The following PLXNA1 variants were observed in gnomAD, a reference collection of about 807,000 sequenced individuals.
PLXNA1 encodes the protein plexin-A1.
In PLXNA1, 77 loss-of-function variants were observed where a neutral mutation model predicts 191.7. The observed-to-expected ratio is 0.40, with a 90% CI of 0.33 to 0.49. The LOEUF (loss-of-function observed/expected upper bound fraction) is 0.49. Among genes scored for constraint, PLXNA1 ranks in the 20% least tolerant of loss-of-function variants. The pLI is 0.63. For synonymous variants in PLXNA1, 1,137 were observed against 1,156.4 expected, an observed-to-expected ratio of 0.98 and a Z score of 0.34; for missense variants, 2,110 against 2,660.2, an observed-to-expected ratio of 0.79 and a Z score of 4.55.
At position 127,029,097 on chromosome 3, in the gene PLXNA1, G is replaced by C; in HGVS notation, c.4773+1G>C. On this transcript the variant is annotated splice_donor_variant, in intron 26 of 31. Transcript: ENST00000393409. LOFTEE classifies it high-confidence loss of function. Reference sequence around the variant, plus strand: ...GCTGAACACACTGGCTCACTACCAGGTGGCTCCCGGCCCTCCGACCCTAGC... The same window carrying C: ...GCTGAACACACTGGCTCACTACCAGCTGGCTCCCGGCCCTCCGACCCTAGC... 6.2e-7 allele frequency: 1 copy of C among 1,612,808 alleles called. No individual in the cohort carries two copies. The highest frequency in any genetic ancestry group is 8.5e-7 in the Non-Finnish European group (1 of 1,179,144).
intron 29 of PLXNA1, 105 bp downstream of exon 29, chr3:127,030,517 G>A: frequency 7.2e-7 from 1 of 1,396,748 alleles, no homozygotes; most frequent in South Asian, 1.3e-5. Context: ...GGGGCTCCCT[G>A]GCGTGGGGAC....
intron 22 of PLXNA1, 23 bp downstream of exon 22, chr3:127,022,364 TTGGG>T (rs762578492): frequency 1.3e-6 from 2 of 1,599,438 alleles, no homozygotes; most frequent in Non-Finnish European, 1.7e-6. Flanking sequence ...GGCACTGGGG[TTGGG>T]GGAGGCAGGC....
At position 126,989,842 on chromosome 3, in the gene PLXNA1, C is replaced by T. The variant is rs774390222; in HGVS notation, c.1194+55C>T. ...GCGGCCCCATCCCCTCCAGGGACGA[C>T]GGCATCGGTGTCAGATGCACGCCCA... is the stretch of plus-strand genomic sequence containing the variant. On this transcript the variant is annotated intron_variant, in intron 2 of 31. Coordinates refer to ENST00000393409, the MANE Select transcript of PLXNA1 (RefSeq NM_032242.4). 205 of 1,443,200 alleles carry T rather than the reference C, an allele frequency of 1.4e-4. 1 individual carries two copies. Among genetic ancestry groups the T allele is most frequent in the South Asian group, 4.5e-4 (35 of 77,812 alleles). 89.4% of individuals were successfully genotyped at this position (1,443,200 alleles called of 1,614,324 possible). A position where few individuals can be genotyped will look rare whatever the true frequency, so the allele number is the denominator to read the frequency against.
chr3:127,013,321 G>A (rs1338333871), intron 10 of PLXNA1, among the ~76,000 whole-genome samples: 3 of 152,194 alleles, frequency 2.0e-5, no homozygotes, highest in East Asian at 1.9e-4. Flanking sequence ...GGAAGCGGGA[G>A]TATCGGGGAA....
At chr3:127,013,222 G>A (rs561949122) in intron 10 of PLXNA1, among the ~76,000 whole-genome samples, 2 of 152,096 alleles carry the variant, frequency 1.3e-5, no homozygotes, top group Admixed American at 1.3e-4. Flanking sequence ...CCAACTCTTC[G>A]CCTGCCCTGC....
chr3:126,994,011 T>G (rs2107622371), intron 3 of PLXNA1, among the ~76,000 whole-genome samples: 1 of 152,252 alleles, frequency 6.6e-6, no homozygotes, highest in Admixed American at 6.5e-5. Context: ...AGCCTTGGTG[T>G]CTCCTCGTAC....
intron 23 of PLXNA1, chr3:127,027,591 C>A (rs2079182407): frequency 2.2e-6 from 1 of 453,086 alleles, no homozygotes; most frequent in South Asian, 1.7e-5. Context: ...AGGCGGGGAT[C>A]CTGCTGAGAC....
intron 7 of PLXNA1, 104 bp from the exon 8 acceptor site, chr3:127,005,975 G>A (rs1393830720): frequency 1.2e-6 from 1 of 824,142 alleles, no homozygotes. Context: ...ACTGATGGTG[G>A]CAGCTAGGAG....
rs2078990287 is a variant in PLXNA1, at chr3:126,991,506, C to T, written c.1317C>T (p.Ala439=). The T allele has an allele frequency of 6.2e-7, 1 of 1,612,314 alleles. No homozygotes were observed. The highest frequency in any genetic ancestry group is 1.7e-5 in the Admixed American group (1 of 59,970). The change falls in exon 3 of 32, where the codon GCC becomes GCT. Residue 439 remains alanine (A), a synonymous_variant. Transcript: ENST00000393409. ...ATGATGGCCTGACCGCCGTGGCTGC[C>T]TATGACTATCGGGGCCGCACTGTGG... The part of the protein sequence containing the change: ...DKDDGLTAVA[A]YDYRGRTVVF...
At chr3:127,013,427 G>A (rs879728062) in intron 10 of PLXNA1, among the ~76,000 whole-genome samples, 3 of 152,222 alleles carry the variant, frequency 2.0e-5, no homozygotes, top group Admixed American at 6.5e-5. Context: ...GTCCCAGCAC[G>A]GGAACAGAGT....
chr3:127,015,311 CCTT>C lies in PLXNA1; in HGVS notation c.3008_3010del (p.Phe1003del), dbSNP rs1559961703. On this transcript the variant is annotated inframe_deletion, in exon 15 of 32. Transcript: ENST00000393409. ...GTGTCGGTCGGTGGCCGGCCCTGCT[CCTT>C]CTCCTGGTACGGGGTGCAGGTGGGG... The C allele has an allele frequency of 2.5e-6, 4 of 1,606,092 alleles. No homozygotes were observed. Among genetic ancestry groups the C allele is most frequent in the Non-Finnish European group, 3.4e-6 (4 of 1,178,212 alleles).
In PLXNA1 at chr3:127,012,189, G is replaced by A. The variant is rs568300825; in HGVS notation, c.2313+31G>A. On this transcript the variant is annotated intron_variant, in intron 10 of 31. Transcript: ENST00000393409. ...GTGGCCAGGGCAGGGGCTGGGGGCC[G>A]TGAGCCGGAATGGGCCGGTTATCCT... is the stretch of plus-strand genomic sequence containing the variant. 38 of 1,597,760 alleles carry A rather than the reference G, an allele frequency of 2.4e-5. No individual in the cohort carries two copies. The South Asian group carries it at 2.7e-4, about 11-fold the overall frequency.
chr3:127,008,204 C>A, intron 9 of PLXNA1, among the ~76,000 whole-genome samples: 1 of 152,180 alleles, frequency 6.6e-6, no homozygotes, highest in Middle Eastern at 3.2e-3. Flanking sequence ...CAGATGAGTT[C>A]TGTCCCTGGG....
intron 3 of PLXNA1, among the ~76,000 whole-genome samples, chr3:127,000,943 C>G (rs1296181150): frequency 1.3e-5 from 2 of 152,174 alleles, no homozygotes; most frequent in African/African-American, 4.8e-5. Context: ...GCTCTGTCTC[C>G]CTGGGCCCAG....
At chr3:127,027,408 G>A in intron 23 of PLXNA1, 1 of 358,108 alleles carries the variant, frequency 2.8e-6, no homozygotes, top group South Asian at 2.1e-5. Flanking sequence ...CACCATAGTT[G>A]TGTCCCAGAG....
In PLXNA1 at chr3:127,022,821, A is replaced by G; in HGVS notation, c.4362+3A>G. The G allele has an allele frequency of 6.2e-7, 1 of 1,613,372 alleles. No individual in the cohort carries two copies. Among genetic ancestry groups the G allele is most frequent in the Non-Finnish European group, 8.5e-7 (1 of 1,179,388 alleles). ...TCCTCTTGTATAAGTTCCTCAAGGT[A>G]AGCAGAGGCGGGAGGAAGCAGGTGT... On this transcript the variant is annotated splice_donor_region_variant and intron_variant, in intron 23 of 31. Coordinates refer to ENST00000393409, the MANE Select transcript of PLXNA1 (RefSeq NM_032242.4).
At chr3:127,002,972 T>TA (rs1483815714) in intron 3 of PLXNA1, among the ~76,000 whole-genome samples, 1 of 152,136 alleles carries the variant, frequency 6.6e-6, no homozygotes, top group Non-Finnish European at 1.5e-5. Context: ...CAGGGATGGC[T>TA]AGGCACCCGT....
chr3:127,017,595 C>T lies in PLXNA1; in HGVS notation c.3447C>T (p.Asp1149=), dbSNP rs139758890. The change falls in exon 18 of 32, where the codon GAC becomes GAT. Residue 1149 remains aspartate, a synonymous_variant. Coordinates refer to ENST00000393409, the MANE Select transcript of PLXNA1 (RefSeq NM_032242.4). ...CCACCTCCTTCCTCTACTACCCTGA[C>T]CCCGTACTGGAGCCACTCAGCCCCA... ...LNSTSFLYYP[D]PVLEPLSPTG... The T allele has an allele frequency of 1.4e-5, 23 of 1,613,634 alleles. No homozygotes were observed. The highest frequency in any genetic ancestry group is 6.7e-5 in the Admixed American group (4 of 60,004).
At chr3:127,027,127 C>A (rs558128158) in intron 23 of PLXNA1, 4 of 169,700 alleles carry the variant, frequency 2.4e-5, no homozygotes, top group South Asian at 1.5e-4. Flanking sequence ...TCCCCAGGAG[C>A]CTTTCTGAAG....
Sources: allele counts gnomAD v4.1 joint callset (sites outside exome capture counted in the v4.1 genomes callset), GRCh38; gene constraint gnomAD v4.1.1; transcripts MANE v1.5; gene names NCBI Gene and HGNC (gene_info 2026-07-23, HGNC 2026-07-21).